CACHD1: variants seen among roughly 807,000 people sequenced by gnomAD.
CACHD1 encodes the protein VWFA and cache domain-containing protein 1.
A neutral mutation model predicts 138.7 loss-of-function variants in CACHD1; 71 were observed. The ratio of observed to expected loss-of-function variants is 0.51; its 90% CI spans 0.42 to 0.62. The LOEUF is 0.62. Among genes scored for constraint, CACHD1 ranks in the 20% least tolerant of loss-of-function variants. The pLI is 0.00. For missense variants in CACHD1, 1,389 were observed against 1,625.3 expected (o/e 0.85, Z 2.50); for synonymous variants, 578 against 591.5 (o/e 0.98, Z 0.33).
chr1:64,533,332 G>C (rs1239699089), intron 1 of CACHD1, among the ~76,000 whole-genome samples: 1 of 152,200 alleles, frequency 6.6e-6, no homozygotes, highest in African/African-American at 2.4e-5. Flanking sequence ...CTCCAGCCTG[G>C]GTGACAGAGT....
intron 13 of CACHD1, among the ~76,000 whole-genome samples, chr1:64,659,493 G>A (rs985294114): frequency 7.9e-5 from 12 of 152,164 alleles, no homozygotes; most frequent in East Asian, 1.9e-4. Context: ...TTAGGAATTC[G>A]AAGATAATTC....
chr1:64,636,682 G>A (rs905144969), intron 7 of CACHD1, among the ~76,000 whole-genome samples: 2 of 152,014 alleles, frequency 1.3e-5, no homozygotes, highest in Non-Finnish European at 2.9e-5. Flanking sequence ...AGAAGGTTTG[G>A]GCCCTCTTTT....
At chr1:64,664,741 G>A in intron 15 of CACHD1, 62 bp downstream of exon 15, 7 of 1,487,978 alleles carry the variant, frequency 4.7e-6, no homozygotes, top group Non-Finnish European at 6.4e-6. Flanking sequence ...GACATGGTAA[G>A]TACATACAAT....
chr1:64,511,213 G>A lies in CACHD1; in HGVS notation c.199-39381G>A, dbSNP rs565915785. ...TAGAGCAGGCACTGTACTTTAATCT[G>A]TTTTTTTCCTTATTTGATGTTACTT... On this transcript the variant is annotated intron_variant, in intron 1 of 26. Coordinates refer to ENST00000651257, the MANE Select transcript of CACHD1 (RefSeq NM_020925.4). Among the ~76,000 whole-genome samples, 7 of 152,204 alleles carry A rather than the reference G, an allele frequency of 4.6e-5. No homozygotes were observed. The South Asian group carries it at 1.5e-3, about 32-fold the overall frequency.
In CACHD1 at chr1:64,626,050, AG is replaced by A. The variant is rs1433333704; in HGVS notation, c.518-3303del. On this transcript the variant is annotated intron_variant, in intron 4 of 26. Transcript: ENST00000651257. ...TGGGCATAAGTTTCTGGGAGTGGGC[AG>A]GTTGACAGAGGCATCACCATGGGGC... 6.8e-4 allele frequency among the ~76,000 whole-genome samples: 104 copies of A among 152,340 alleles called. 1 individual carries two copies. The highest frequency in any genetic ancestry group is 2.3e-3 in the African/African-American group (95 of 41,588).
chr1:64,557,879 A>G (rs1173960296), intron 2 of CACHD1, among the ~76,000 whole-genome samples: 1 of 151,948 alleles, frequency 6.6e-6, no homozygotes, highest in Admixed American at 6.6e-5. Flanking sequence ...GCTAACTGCA[A>G]CCTCCGCTTC....
intron 3 of CACHD1, among the ~76,000 whole-genome samples, chr1:64,596,401 T>A (rs558712583): frequency 6.6e-6 from 1 of 152,318 alleles, no homozygotes; most frequent in African/African-American, 2.4e-5. Flanking sequence ...TGAAGAGATA[T>A]GTCTCCGTGT....
At chr1:64,631,438 G>A (rs1029751473) in intron 5 of CACHD1, among the ~76,000 whole-genome samples, 2 of 152,122 alleles carry the variant, frequency 1.3e-5, no homozygotes, top group African/African-American at 4.8e-5. Flanking sequence ...AATTACTGCA[G>A]GACTTTGGGC....
At chr1:64,553,488 G>A (rs1646774942) in intron 2 of CACHD1, among the ~76,000 whole-genome samples, 1 of 152,166 alleles carries the variant, frequency 6.6e-6, no homozygotes, top group African/African-American at 2.4e-5. Flanking sequence ...GAGGTAGGTG[G>A]CAGTATTGTT....
chr1:64,564,630 G>C (rs1444575456), intron 2 of CACHD1, among the ~76,000 whole-genome samples: 1 of 152,136 alleles, frequency 6.6e-6, no homozygotes, highest in Non-Finnish European at 1.5e-5. Flanking sequence ...AGAGAAGATT[G>C]CTATTCTTAA....
rs746500086 is a variant in CACHD1 at position 64,691,548 on chromosome 1, A to T, written c.3812A>T (p.Asp1271Val). Residue 1271 changes from aspartate (D) to valine (V), a missense_variant, in exon 27 of 27, where the codon GAT becomes GTT. By Grantham distance (152) the Asp-to-Val change is radical. This residue lies in a region of CACHD1 where 78 missense variants were observed against 76.9 expected (regional missense o/e 1.01). Coordinates refer to ENST00000651257, the MANE Select transcript of CACHD1 (RefSeq NM_020925.4). ...GCGGCCGTCACGGTACACACTGTCGATGCAGAATGCTAACAATCTCCTCAC... is the reference window on the plus strand; with the variant it reads ...GCGGCCGTCACGGTACACACTGTCGTTGCAGAATGCTAACAATCTCCTCAC... Reference protein sequence around the residue: ...LQAAVTVHTVDAEC With the variant: ...LQAAVTVHTVVAEC The T allele has an allele frequency of 1.2e-6, 2 of 1,613,520 alleles. No homozygotes were observed. Among genetic ancestry groups the T allele is most frequent in the South Asian group, 1.1e-5 (1 of 91,066 alleles).
At chr1:64,678,045 AT>A in intron 22 of CACHD1, 113 bp from the exon 23 acceptor site, 1 of 1,079,984 alleles carries the variant, frequency 9.3e-7, no homozygotes, top group Non-Finnish European at 1.3e-6. Context: ...AGCTCAAGAA[AT>A]TCACAGCACT....
chr1:64,556,137 G>C (rs1294838549), intron 2 of CACHD1, among the ~76,000 whole-genome samples: 4 of 152,180 alleles, frequency 2.6e-5, no homozygotes, highest in Non-Finnish European at 5.9e-5. Flanking sequence ...AAGGTCTCCA[G>C]ATTATGCCCA....
Position 64,520,400 on chromosome 1 carries a change from G to A in CACHD1, c.199-30194G>A, listed in dbSNP as rs114171455. ...ACTTTGCTAATTGGCAAAGGGCCTGGTGTTAATGAACATGGATGGTGGAAA... is the reference window on the plus strand; with the variant it reads ...ACTTTGCTAATTGGCAAAGGGCCTGATGTTAATGAACATGGATGGTGGAAA... On this transcript the variant is annotated intron_variant, in intron 1 of 26. Coordinates refer to ENST00000651257, the MANE Select transcript of CACHD1 (RefSeq NM_020925.4). Among the ~76,000 whole-genome samples the A allele has an allele frequency of 2.6e-3, 403 of 152,310 alleles. 2 individuals carry two copies. The highest frequency in any genetic ancestry group is 9.4e-3 in the African/African-American group (391 of 41,560).
intron 1 of CACHD1, among the ~76,000 whole-genome samples, chr1:64,505,095 C>A (rs1646361986): frequency 6.6e-6 from 1 of 152,138 alleles, no homozygotes; most frequent in Non-Finnish European, 1.5e-5. Flanking sequence ...CAGATTTCTT[C>A]TAAACTTTAT....
At chr1:64,644,546 A>G (rs961309077) in intron 8 of CACHD1, among the ~76,000 whole-genome samples, 2 of 152,232 alleles carry the variant, frequency 1.3e-5, no homozygotes, top group African/African-American at 4.8e-5. Flanking sequence ...TTCTTCAACC[A>G]GAGTCTCTTA....
At chr1:64,531,947 T>C (rs959452915) in intron 1 of CACHD1, among the ~76,000 whole-genome samples, 1 of 152,148 alleles carries the variant, frequency 6.6e-6, no homozygotes, top group Non-Finnish European at 1.5e-5. Context: ...TACTGTGAAT[T>C]GAAAGATGAG....
At chr1:64,598,403 T>C (rs892724845) in intron 3 of CACHD1, among the ~76,000 whole-genome samples, 2 of 152,208 alleles carry the variant, frequency 1.3e-5, no homozygotes, top group African/African-American at 4.8e-5. Flanking sequence ...GAGACTCTTA[T>C]GAAATACAGT....
chr1:64,584,462 A>G (rs988194543), intron 3 of CACHD1, among the ~76,000 whole-genome samples: 1 of 152,186 alleles, frequency 6.6e-6, no homozygotes, highest in Non-Finnish European at 1.5e-5. Context: ...CTACCCAGTC[A>G]CTTGCCCACC....
Sources: allele counts gnomAD v4.1 joint callset (sites outside exome capture counted in the v4.1 genomes callset), GRCh38; gene constraint gnomAD v4.1.1; regional missense constraint gnomAD v4.1.1; transcripts MANE v1.5; gene names NCBI Gene and HGNC (gene_info 2026-07-23, HGNC 2026-07-21).